Variants in GLE1 observed in about 807,000 individuals in gnomAD.
GLE1 encodes the protein mRNA export factor GLE1.
A neutral mutation model predicts 97.3 loss-of-function variants in GLE1; 78 were observed. The observed-to-expected ratio is 0.80, with a 90% CI of 0.67 to 0.97. The LOEUF is 0.97. Among genes scored for constraint, GLE1 ranks in the 50% least tolerant of loss-of-function variants. The probability of loss-of-function intolerance (pLI) is 0.00; values close to 1 mark genes in which losing one functional copy is unlikely to be tolerated. For missense variants in GLE1, 753 were observed against 857.5 expected (o/e 0.88, Z 1.52); for synonymous variants, 302 against 313.4 (o/e 0.96, Z 0.39).
intron 2 of GLE1, among the ~76,000 whole-genome samples, chr9:128,514,445 C>CTTT (rs772047006): frequency 6.0e-5 from 8 of 132,734 alleles, no homozygotes; most frequent in Non-Finnish European, 1.1e-4. Flanking sequence ...GGATAGCAGA[C>CTTT]TTTTTTTTTT....
intron 2 of GLE1, among the ~76,000 whole-genome samples, chr9:128,509,683 A>G (rs1344031032): frequency 6.6e-6 from 1 of 151,920 alleles, no homozygotes. Flanking sequence ...ATTGGACCCA[A>G]CACAGTGGCT....
intron 6 of GLE1, among the ~76,000 whole-genome samples, chr9:128,524,612 T>A (rs894087068): frequency 7.4e-6 from 1 of 135,756 alleles, no homozygotes; most frequent in African/African-American, 2.7e-5. Context: ...AGTGCAGTGG[T>A]GTGATCATGG....
chr9:128,519,650 C>G (rs915179471), intron 3 of GLE1, among the ~76,000 whole-genome samples: 1 of 148,724 alleles, frequency 6.7e-6, no homozygotes, highest in Non-Finnish European at 1.5e-5. Context: ...CACCCTGGTC[C>G]TGTGGTCCTG....
intron 15 of GLE1, 121 bp from the exon 16 acceptor site, chr9:128,540,981 T>C: frequency 1.3e-6 from 1 of 747,798 alleles, no homozygotes; most frequent in South Asian, 1.4e-5. Context: ...GGCTTTTTCC[T>C]TTTTGTTCAC....
intron 13 of GLE1, 68 bp downstream of exon 13, chr9:128,538,158 T>G (rs1351655259): frequency 9.7e-6 from 8 of 822,162 alleles, no homozygotes; most frequent in Non-Finnish European, 1.5e-5. Context: ...CTGGGTGACA[T>G]GAATGGGGAA....
In GLE1 at chr9:128,523,335, G is replaced by T. The variant is rs774699236; in HGVS notation, c.637G>T (p.Ala213Ser). 3 of 1,611,892 alleles carry T rather than the reference G, an allele frequency of 1.9e-6. No individual in the cohort carries two copies. Among genetic ancestry groups the T allele is most frequent in the Non-Finnish European group, 2.5e-6 (3 of 1,178,056 alleles). Residue 213 changes from alanine (A) to serine (S), a missense_variant, in exon 5 of 16, where the codon GCA (alanine) becomes TCA (serine). Coordinates refer to ENST00000309971, the MANE Select transcript of GLE1 (RefSeq NM_001003722.2). ...GCTAAAAGCTGAGCACCGTCACAGA[G>T]CAAAGGTCAGAGCCTGGCAGAATTG... ...EKLKAEHRHRAKILNLKLREA... is the reference protein window; with the variant it reads ...EKLKAEHRHRSKILNLKLREA...
chr9:128,532,811 G>C (rs1323142376), intron 9 of GLE1: 1 of 189,774 alleles, frequency 5.3e-6, no homozygotes, highest in Non-Finnish European at 9.8e-6. Flanking sequence ...TAGCTAGTGT[G>C]GGGGTGGAGC....
chr9:128,505,118 C>T (rs1047443396), intron 1 of GLE1, among the ~76,000 whole-genome samples: 14 of 152,184 alleles, frequency 9.2e-5, no homozygotes, highest in African/African-American at 3.1e-4. Flanking sequence ...TTCACAGGTG[C>T]CCCGCGCTCT....
intron 2 of GLE1, among the ~76,000 whole-genome samples, chr9:128,511,128 C>T (rs1202389283): frequency 2.0e-5 from 3 of 151,230 alleles, no homozygotes; most frequent in Admixed American, 1.3e-4. Context: ...TGCTTGAACC[C>T]GGGAGACGGA....
chr9:128,525,940 T>A (rs760295397), intron 7 of GLE1, among the ~76,000 whole-genome samples: 11 of 151,966 alleles, frequency 7.2e-5, no homozygotes, highest in Non-Finnish European at 1.3e-4. Flanking sequence ...AGAAAAAGAA[T>A]CAGTGTACCA....
chr9:128,532,369 G>A (rs1265269968), intron 9 of GLE1, among the ~76,000 whole-genome samples: 1 of 151,402 alleles, frequency 6.6e-6, no homozygotes, highest in East Asian at 1.9e-4. Flanking sequence ...GGGATTACAG[G>A]CACCCGCCAC....
intron 13 of GLE1, 67 bp downstream of exon 13, chr9:128,538,157 A>G (rs1223519609): frequency 2.7e-5 from 22 of 821,788 alleles, no homozygotes; most frequent in African/African-American, 6.7e-5. Context: ...ACTGGGTGAC[A>G]TGAATGGGGA....
At chr9:128,521,286 C>A (rs919842142) in intron 3 of GLE1, among the ~76,000 whole-genome samples, 6 of 152,118 alleles carry the variant, frequency 3.9e-5, no homozygotes, top group African/African-American at 1.4e-4. Context: ...ATAATCCCAG[C>A]AGTTTGGGAG....
chr9:128,519,089 T>C (rs1019978283), intron 3 of GLE1, among the ~76,000 whole-genome samples: 1 of 152,222 alleles, frequency 6.6e-6, no homozygotes, highest in East Asian at 1.9e-4. Flanking sequence ...TCAATACCCT[T>C]GTGATTTCCT....
chr9:128,538,115 G>T (rs909384508), intron 13 of GLE1, 25 bp downstream of exon 13: 1 of 1,251,522 alleles, frequency 8.0e-7, no homozygotes, highest in South Asian at 1.2e-5. Flanking sequence ...TATCACACAA[G>T]AGAAGGCCAG....
At chr9:128,539,072 A>G (rs1375746863) in intron 13 of GLE1, among the ~76,000 whole-genome samples, 2 of 152,062 alleles carry the variant, frequency 1.3e-5, no homozygotes, top group Non-Finnish European at 2.9e-5. Context: ...GAAACCCTAT[A>G]TCTACCAAAA....
chr9:128,539,187 T>TC (rs1847814804), intron 13 of GLE1, among the ~76,000 whole-genome samples: 1 of 152,112 alleles, frequency 6.6e-6, no homozygotes, highest in African/African-American at 2.4e-5. Flanking sequence ...TGAGCTGTGA[T>TC]CATGCCAGTG....
chr9:128,524,358 G>T (rs1847242249), intron 6 of GLE1, among the ~76,000 whole-genome samples: 1 of 151,694 alleles, frequency 6.6e-6, no homozygotes. Flanking sequence ...GAGATTACAG[G>T]TGTGAGCCAC....
chr9:128,533,300 G>A (rs1030354479), intron 9 of GLE1, among the ~76,000 whole-genome samples: 3 of 151,482 alleles, frequency 2.0e-5, no homozygotes, highest in African/African-American at 4.8e-5. Flanking sequence ...GTGTGGTGGC[G>A]GGCGTCTGTG....
Sources: gnomAD v4.1 joint callset for allele counts (sites outside exome capture counted in the v4.1 genomes callset) on GRCh38, gnomAD v4.1.1 for gene constraint, MANE v1.5 for transcripts, NCBI Gene and HGNC (gene_info 2026-07-23, HGNC 2026-07-21) for gene names.